Variants in HDAC9 observed in about 807,000 individuals in gnomAD.
HDAC9 encodes MEF-2 interacting transcription repressor (MITR) protein.
A neutral mutation model predicts 139.4 loss-of-function variants in HDAC9; 41 were observed. The ratio of observed to expected loss-of-function variants is 0.29; its 90% CI spans 0.23 to 0.38. The LOEUF is 0.38. Among genes scored for constraint, HDAC9 ranks in the 10% least tolerant of loss-of-function variants. The pLI is 1.00. For synonymous variants in HDAC9, 517 were observed against 476.2 expected (o/e 1.09, Z -1.12); for missense variants, 1,147 against 1,297.0 (o/e 0.88, Z 1.78).
At chr7:18,625,038 T>G (rs1841285653) in intron 6 of HDAC9, among the ~76,000 whole-genome samples, 1 of 152,090 alleles carries the variant, frequency 6.6e-6, no homozygotes, top group Non-Finnish European at 1.5e-5. Context: ...TTCAAAACCT[T>G]ATGTCCTCAG....
chr7:18,346,971 G>C (rs7781749), intron 1 of HDAC9, among the ~76,000 whole-genome samples: 29,979 of 152,070 alleles, frequency 0.2, 3,033 homozygotes, highest in Admixed American at 0.21. Context: ...TCATAGGAGA[G>C]GCTGGCGGCA....
At chr7:18,948,410 A>G (rs1312594813) in intron 23 of HDAC9, among the ~76,000 whole-genome samples, 1 of 152,074 alleles carries the variant, frequency 6.6e-6, no homozygotes, top group Admixed American at 6.6e-5. Flanking sequence ...AAACTCACTT[A>G]AAAGGTTTAG....
intron 23 of HDAC9, among the ~76,000 whole-genome samples, chr7:18,951,202 C>CAAA (rs1782768523): frequency 6.6e-6 from 1 of 151,944 alleles, no homozygotes; most frequent in Non-Finnish European, 1.5e-5. Context: ...ATAATGGCCA[C>CAAA]AATTTTATGG....
At chr7:18,495,651 C>T (rs1362521200), upstream of HDAC9, 2 of 755,662 alleles carry the variant, frequency 2.6e-6, no homozygotes, top group African/African-American at 3.8e-5. Context: ...GACCATTGTT[C>T]TATTTCTGTG....
chr7:18,236,520 G>C (rs1007059183), intron 2 of HDAC9, among the ~76,000 whole-genome samples: 1 of 152,144 alleles, frequency 6.6e-6, no homozygotes, highest in Non-Finnish European at 1.5e-5. Flanking sequence ...GGGGGTTTAA[G>C]GTAGGAATTA....
intron 25 of HDAC9, among the ~76,000 whole-genome samples, chr7:18,981,435 C>T (rs1784943508): frequency 6.6e-6 from 1 of 152,160 alleles, no homozygotes; most frequent in Non-Finnish European, 1.5e-5. Context: ...TGGCTTAAAA[C>T]ACACAAAGTT....
At chr7:18,460,367 CAA>C (rs1463165918) in intron 1 of HDAC9, among the ~76,000 whole-genome samples, 2 of 151,954 alleles carry the variant, frequency 1.3e-5, no homozygotes, top group African/African-American at 4.8e-5. Flanking sequence ...GCAGAATAAA[CAA>C]TATTTTTTTC....
At chr7:18,361,238 G>A (rs745317016) in intron 1 of HDAC9, among the ~76,000 whole-genome samples, 8 of 152,056 alleles carry the variant, frequency 5.3e-5, no homozygotes, top group Non-Finnish European at 8.8e-5. Flanking sequence ...AGAAAAACTG[G>A]GTTTTCTTCT....
At chr7:18,594,278 A>G (rs3213616) in intron 6 of HDAC9, among the ~76,000 whole-genome samples, 97,154 of 151,978 alleles carry the variant, frequency 0.64, 34,718 homozygotes, top group Non-Finnish European at 0.8. Flanking sequence ...TAGCCAAATT[A>G]TTTTCTTACT....
intron 21 of HDAC9, among the ~76,000 whole-genome samples, chr7:18,868,222 G>A (rs1179933103): frequency 6.6e-6 from 1 of 152,066 alleles, no homozygotes; most frequent in Non-Finnish European, 1.5e-5. Flanking sequence ...TTGTATAAAT[G>A]GGTCAATTGA....
chr7:18,253,990 A>G (rs1402269873), intron 2 of HDAC9, among the ~76,000 whole-genome samples: 2 of 152,230 alleles, frequency 1.3e-5, no homozygotes, highest in Non-Finnish European at 1.5e-5. Context: ...GGAAAAGAAA[A>G]CAGAGTTTTG....
At chr7:18,973,188 G>A (rs2107596) in intron 24 of HDAC9, among the ~76,000 whole-genome samples, 2 of 152,000 alleles carry the variant, frequency 1.3e-5, no homozygotes, top group Non-Finnish European at 2.9e-5. Flanking sequence ...TAGAAACACC[G>A]AGCACAGTCT....
intron 6 of HDAC9, among the ~76,000 whole-genome samples, chr7:18,613,708 G>T (rs1305915013): frequency 2.0e-5 from 3 of 152,024 alleles, no homozygotes; most frequent in Non-Finnish European, 2.9e-5. Flanking sequence ...ATTATGCTAG[G>T]TTATGATGTT....
At chr7:18,610,416 A>G (rs1237888655) in intron 6 of HDAC9, among the ~76,000 whole-genome samples, 1 of 152,166 alleles carries the variant, frequency 6.6e-6, no homozygotes, top group Non-Finnish European at 1.5e-5. Flanking sequence ...AACCCAGAGC[A>G]AGCCTAGGCT....
chr7:18,514,877 T>C (rs952970629), intron 2 of HDAC9, among the ~76,000 whole-genome samples: 1 of 152,058 alleles, frequency 6.6e-6, no homozygotes, highest in African/African-American at 2.4e-5. Context: ...AGTCCAGGAA[T>C]TTGAGTTTGA....
At chr7:18,790,035 T>C (rs983576225) in intron 16 of HDAC9, among the ~76,000 whole-genome samples, 15 of 152,144 alleles carry the variant, frequency 9.9e-5, no homozygotes, top group African/African-American at 3.6e-4. Flanking sequence ...GTTCTTCTAG[T>C]GACACAGATT....
At chr7:18,196,557 T>C (rs935158381) in intron 2 of HDAC9, among the ~76,000 whole-genome samples, 7 of 152,050 alleles carry the variant, frequency 4.6e-5, no homozygotes, top group East Asian at 3.9e-4. Context: ...AATTATGAGA[T>C]GATGGAAGAA....
chr7:18,465,057 G>A (rs1451405530), intron 1 of HDAC9, among the ~76,000 whole-genome samples: 1 of 151,944 alleles, frequency 6.6e-6, no homozygotes, highest in African/African-American at 2.4e-5. Flanking sequence ...ATCAGTTTTA[G>A]TTGCCTTTAA....
intron 14 of HDAC9, among the ~76,000 whole-genome samples, chr7:18,757,215 C>T (rs1199445527): frequency 6.6e-6 from 1 of 151,756 alleles, no homozygotes; most frequent in African/African-American, 2.4e-5. Flanking sequence ...TTTTTTTAAC[C>T]TTTGAATTTC....
Sources: allele counts gnomAD v4.1 joint callset (sites outside exome capture counted in the v4.1 genomes callset), GRCh38; gene constraint gnomAD v4.1.1; transcripts MANE v1.5; gene names NCBI Gene and HGNC (gene_info 2026-07-23, HGNC 2026-07-21).